The following TEX2 variants were observed in gnomAD, a reference collection of about 807,000 sequenced individuals.
TEX2 encodes the protein testis expressed 2, also known as testis-expressed protein 2.
In TEX2, 53 loss-of-function variants were observed where a neutral mutation model predicts 106.9. The ratio of observed to expected loss-of-function variants is 0.50; its 90% confidence interval spans 0.40 to 0.62. The LOEUF (loss-of-function observed/expected upper bound fraction) is 0.62. TEX2 is among the 20% of genes least tolerant of loss of function. TEX2 has a pLI of 0.00. For missense variants in TEX2, 1,207 were observed against 1,379.0 expected (o/e 0.88, Z 1.98); for synonymous variants, 523 against 534.8 (o/e 0.98, Z 0.30).
At chr17:64,151,177 G>A (rs2030335275) in intron 10 of TEX2, among the ~76,000 whole-genome samples, 1 of 152,162 alleles carries the variant, frequency 6.6e-6, no homozygotes, top group African/African-American at 2.4e-5. Context: ...ATTTAGAACA[G>A]TTCTGACAAA....
intron 11 of TEX2, 115 bp from the exon 12 acceptor site, chr17:64,149,206 C>CT (rs1398810382): frequency 8.6e-7 from 1 of 1,158,134 alleles, no homozygotes; most frequent in East Asian, 2.5e-5. Context: ...CATATAAAAA[C>CT]TTGCTATGCA....
In TEX2 at chr17:64,147,507, T is replaced by G. The variant is rs748821414; in HGVS notation, c.*1462A>C. The G allele has an allele frequency of 6.6e-6, 1 of 152,264 alleles. No homozygotes were observed. Among genetic ancestry groups the G allele is most frequent in the Non-Finnish European group, 1.5e-5 (1 of 68,036 alleles). The allele number at this position is 152,264 out of a possible 1,614,324, so 9.4% of individuals were successfully genotyped here. A position where few individuals can be genotyped will look rare whatever the true frequency, so the allele number is the denominator to read the frequency against. On this transcript the variant is annotated 3_prime_UTR_variant, in exon 12 of 12. Coordinates refer to ENST00000584379, the MANE Select transcript of TEX2 (RefSeq NM_001288732.2). ...TTTAAATCCCCACATACTATTTGAT[T>G]AAGTGCAACATGGTACAGTCATGTG...
chr17:64,246,365 C>T (rs1555636279), intron 1 of TEX2, among the ~76,000 whole-genome samples: 4 of 152,178 alleles, frequency 2.6e-5, no homozygotes, highest in Non-Finnish European at 5.9e-5. Flanking sequence ...CCTGCCTCAG[C>T]CTCCTGAGTA....
At chr17:64,191,817 C>CAAAA (rs58376086) in intron 4 of TEX2, among the ~76,000 whole-genome samples, 134 of 119,832 alleles carry the variant, frequency 1.1e-3, no homozygotes, top group African/African-American at 2.0e-3. Flanking sequence ...GACTCCATCT[C>CAAAA]AAAAAAAAAA....
chr17:64,169,421 A>C (rs2031295726), intron 7 of TEX2, among the ~76,000 whole-genome samples: 1 of 152,208 alleles, frequency 6.6e-6, no homozygotes, highest in Non-Finnish European at 1.5e-5. Context: ...TTCTACTTTT[A>C]CTTTCAGTGA....
At chr17:64,191,088 G>T (rs2032279844) in intron 4 of TEX2, among the ~76,000 whole-genome samples, 1 of 152,142 alleles carries the variant, frequency 6.6e-6, no homozygotes, top group Non-Finnish European at 1.5e-5. Context: ...CACACTTTTG[G>T]TGGCTTAAAC....
chr17:64,219,719 G>A (rs1456039359), intron 1 of TEX2, among the ~76,000 whole-genome samples: 2 of 151,892 alleles, frequency 1.3e-5, no homozygotes, highest in African/African-American at 4.8e-5. Context: ...ATGGAAGGTT[G>A]GAAAGGAAAA....
At position 64,263,207 on chromosome 17, in the gene TEX2, C is replaced by T. The variant is rs2034331201; in HGVS notation, c.-65G>A. ...CTGCCTCATTGTACTATGCCGGCGC[C>T]CGTGCTCCCGGCCGCGCGACTCCGG... is the stretch of plus-strand genomic sequence containing the variant. On this transcript the variant is annotated 5_prime_UTR_variant, in exon 1 of 12. Coordinates refer to ENST00000584379, the MANE Select transcript of TEX2 (RefSeq NM_001288732.2). 1 of 151,516 alleles carries T rather than the reference C, an allele frequency of 6.6e-6. No homozygotes were observed. Among genetic ancestry groups the T allele is most frequent in the South Asian group, 2.0e-4 (1 of 4,910 alleles). 9.4% of individuals were successfully genotyped at this position (151,516 alleles called of 1,614,324 possible). A position where few individuals can be genotyped will look rare whatever the true frequency, so the allele number is the denominator to read the frequency against.
intron 1 of TEX2, among the ~76,000 whole-genome samples, chr17:64,239,904 A>AAAAAAAAAAAAAAAAAAAAAAG (rs781859721): frequency 8.4e-6 from 1 of 118,790 alleles, no homozygotes; most frequent in African/African-American, 3.2e-5. Flanking sequence ...AAAAAAAAAA[A>AAAAAAAAAAAAAAAAAAAAAAG]GCAGAGAAGA....
chr17:64,209,733 T>A (rs1351266207), intron 2 of TEX2, among the ~76,000 whole-genome samples: 1 of 152,226 alleles, frequency 6.6e-6, no homozygotes, highest in South Asian at 2.1e-4. Flanking sequence ...TGGGCCTCCA[T>A]CTGCATGAGC....
intron 2 of TEX2, among the ~76,000 whole-genome samples, chr17:64,210,999 T>C (rs753209710): frequency 6.6e-6 from 1 of 152,074 alleles, no homozygotes; most frequent in Non-Finnish European, 1.5e-5. Context: ...TCTCACTCTG[T>C]CACCCAGGCT....
chr17:64,221,080 C>T (rs753545025), intron 1 of TEX2, among the ~76,000 whole-genome samples: 6 of 152,138 alleles, frequency 3.9e-5, no homozygotes, highest in Non-Finnish European at 5.9e-5. Context: ...AAGCCATTAT[C>T]CTCAGCAAAC....
chr17:64,172,025 T>C (rs866027243), intron 6 of TEX2, among the ~76,000 whole-genome samples: 1 of 148,916 alleles, frequency 6.7e-6, no homozygotes, highest in Non-Finnish European at 1.5e-5. Context: ...ACATTTCCGA[T>C]AGGCAAACTT....
At chr17:64,245,625 C>T (rs1008205591) in intron 1 of TEX2, among the ~76,000 whole-genome samples, 8 of 152,132 alleles carry the variant, frequency 5.3e-5, no homozygotes, top group Non-Finnish European at 1.5e-5. Context: ...GATTTCACTG[C>T]CCAGTTTTTA....
chr17:64,236,315 C>G (rs1382416929), intron 1 of TEX2, among the ~76,000 whole-genome samples: 1 of 152,144 alleles, frequency 6.6e-6, no homozygotes, highest in Non-Finnish European at 1.5e-5. Context: ...GTAATCCCAG[C>G]ACTTTGGGAG....
At chr17:64,245,332 T>C (rs2033966509) in intron 1 of TEX2, among the ~76,000 whole-genome samples, 1 of 152,166 alleles carries the variant, frequency 6.6e-6, no homozygotes, top group Non-Finnish European at 1.5e-5. Flanking sequence ...CTAATTGAAA[T>C]CTATTTAAAT....
chr17:64,151,381 C>G (rs2030346654), intron 10 of TEX2, among the ~76,000 whole-genome samples: 1 of 152,104 alleles, frequency 6.6e-6, no homozygotes, highest in African/African-American at 2.4e-5. Flanking sequence ...GAATGTCATC[C>G]CCAAGAGAGG....
In TEX2 at chr17:64,167,020, C is replaced by T. The variant is rs140976415; in HGVS notation, c.2671+4080G>A. Among the ~76,000 whole-genome samples the T allele has an allele frequency of 3.3e-5, 5 of 152,170 alleles. No individual in the cohort carries two copies. The South Asian group carries it at 6.2e-4, about 19-fold the overall frequency. On this transcript the variant is annotated intron_variant, in intron 7 of 11. Transcript: ENST00000584379. ...CCAGGGTGTGTGTGGAGTGAGGAGG[C>T]GTCAGAGCTGAGGCAGGAGGAGCAC...
chr17:64,243,475 G>C (rs1427821764), intron 1 of TEX2, among the ~76,000 whole-genome samples: 1 of 152,156 alleles, frequency 6.6e-6, no homozygotes, highest in Non-Finnish European at 1.5e-5. Context: ...TGATGTGAGT[G>C]GGGAGGTGCA....
Sources: gnomAD v4.1 joint callset for allele counts (sites outside exome capture counted in the v4.1 genomes callset) on GRCh38, gnomAD v4.1.1 for gene constraint, MANE v1.5 for transcripts, NCBI Gene and HGNC (gene_info 2026-07-23, HGNC 2026-07-21) for gene names.